The following NPC1 variants were observed in gnomAD, a reference collection of about 807,000 sequenced individuals.
NPC1 encodes Niemann-Pick C1 protein.
Under a neutral mutation model 140.4 loss-of-function variants are expected in NPC1, and 85 were observed. That is an observed-to-expected ratio of 0.61 (90% confidence interval 0.51 to 0.72). NPC1 has a LOEUF of 0.72. NPC1 is among the 30% of genes least tolerant of loss of function. NPC1 has a pLI of 0.00. For synonymous variants in NPC1, 656 were observed against 624.8 expected, an observed-to-expected ratio of 1.05 and a Z score of -0.74; for missense variants, 1,504 against 1,623.8, an observed-to-expected ratio of 0.93 and a Z score of 1.27.
chr18:23,574,903 C>T (rs1199873794), intron 1 of NPC1, among the ~76,000 whole-genome samples: 6 of 152,124 alleles, frequency 3.9e-5, no homozygotes, highest in African/African-American at 9.7e-5. Flanking sequence ...AAAAAAGAAA[C>T]GTATTGCAAC....
At chr18:23,511,158 A>G (rs2057848337) in intron 3 of NPC1, among the ~76,000 whole-genome samples, 1 of 152,252 alleles carries the variant, frequency 6.6e-6, no homozygotes, top group Non-Finnish European at 1.5e-5. Context: ...AAAAATGAAC[A>G]AGATCATGTC....
At chr18:23,556,818 C>T (rs1282757303) in intron 7 of NPC1, among the ~76,000 whole-genome samples, 1 of 152,252 alleles carries the variant, frequency 6.6e-6, no homozygotes, top group Non-Finnish European at 1.5e-5. Context: ...TCCCACCCCA[C>T]AGAGGAGATG....
intron 4 of NPC1, among the ~76,000 whole-genome samples, chr18:23,565,601 G>C (rs1407467117): frequency 3.3e-5 from 5 of 152,142 alleles, no homozygotes; most frequent in Non-Finnish European, 5.9e-5. Context: ...TGATCTGCCT[G>C]CCTCGGCCTT....
chr18:23,520,427 C>G (rs550762560), downstream of NPC1: 6 of 877,316 alleles, frequency 6.8e-6, no homozygotes, highest in South Asian at 1.0e-4. Flanking sequence ...CAGAGATTCC[C>G]AGATCTGTCT....
Position 23,536,736 on chromosome 18 carries a change from A to G in NPC1, c.3182T>C (p.Ile1061Thr), listed in dbSNP as rs80358259. The G allele has an allele frequency of 4.9e-4, 784 of 1,614,114 alleles. No individual in the cohort carries two copies. The highest frequency in any genetic ancestry group is 6.3e-4 in the Non-Finnish European group (745 of 1,180,044). ...FIDALKKARL[I>T]ASNVTETMGI... is the part of the protein sequence containing the mutation. ...CATGGTTTCGGTGACATTACTGGCT[A>G]TAAGTCGGGCTTTCTTCAGAGCGTC... Residue 1061 changes from isoleucine to threonine, a missense_variant, in exon 21 of 25, where the codon ATA (isoleucine) becomes ACA (threonine). Transcript: ENST00000269228.
intron 9 of NPC1, among the ~76,000 whole-genome samples, chr18:23,553,176 T>C (rs937009485): frequency 6.6e-6 from 1 of 152,246 alleles, no homozygotes; most frequent in Non-Finnish European, 1.5e-5. Flanking sequence ...CACGTCCGCT[T>C]TGAGGAAACA....
At chr18:23,549,237 C>T (rs1430400306) in intron 10 of NPC1, among the ~76,000 whole-genome samples, 1 of 152,048 alleles carries the variant, frequency 6.6e-6, no homozygotes, top group Non-Finnish European at 1.5e-5. Context: ...CACTCTGTTG[C>T]CCTGGCTGGA....
At chr18:23,565,991 G>A (rs1341713426) in intron 4 of NPC1, among the ~76,000 whole-genome samples, 1 of 151,886 alleles carries the variant, frequency 6.6e-6, no homozygotes. Context: ...TTGGTTTTCA[G>A]GTTTTATTTT....
chr18:23,544,943 A>ATCCCCCCCCCC lies in NPC1; in HGVS notation c.1947+16_1947+17insGGGGGGGGGGA. 9.7e-7 allele frequency: 1 copy of ATCCCCCCCCCC among 1,032,986 alleles called. No individual in the cohort carries two copies. The allele number at this position is 1,032,986 out of a possible 1,614,324, so 64.0% of individuals were successfully genotyped here. Reference sequence around the variant, plus strand: ...GCTGTTAACCTCTAGAACATACACCACCCCCCCCCGGCTTACCAGAAGCCT... The same window carrying ATCCCCCCCCCC: ...GCTGTTAACCTCTAGAACATACACCATCCCCCCCCCCCCCCCCCCCGGCTTACCAGAAGCCT... On this transcript the variant is annotated intron_variant, in intron 12 of 24. Transcript: ENST00000269228.
At chr18:23,574,095 A>G (rs930203192) in intron 1 of NPC1, among the ~76,000 whole-genome samples, 16 of 152,258 alleles carry the variant, frequency 1.1e-4, no homozygotes, top group African/African-American at 3.4e-4. Flanking sequence ...CTGAAGTAGA[A>G]AGCAAAGAAT....
At chr18:23,552,182 CG>C (rs2058882284) in intron 9 of NPC1, among the ~76,000 whole-genome samples, 1 of 151,946 alleles carries the variant, frequency 6.6e-6, no homozygotes, top group African/African-American at 2.4e-5. Context: ...TCCTGTATGC[CG>C]GGTATGGTGG....
downstream of NPC1, chr18:23,530,071 A>G: frequency 1.2e-6 from 2 of 1,613,844 alleles, no homozygotes; most frequent in East Asian, 2.2e-5. Flanking sequence ...GTCCAGCACA[A>G]CCTCTTTTAT....
rs2058928045 is a variant in NPC1, at chr18:23,554,903, C to T, written c.1408G>A (p.Ala470Thr). ...ETVTLQDICL[A>T]PLSPYNTNCT... ...TTCGTGTTATACGGTGAAAGAGGGG[C>T]CAAGCAGATGTCTTGAAGTGTCACA... The change falls in exon 9 of 25, where the codon GCC (alanine) becomes ACC (threonine). Residue 470 changes from alanine (A) to threonine (T), a missense_variant. Transcript: ENST00000269228. 1.2e-6 allele frequency: 2 copies of T among 1,614,066 alleles called. No individual in the cohort carries two copies. Among genetic ancestry groups the T allele is most frequent in the Non-Finnish European group, 1.7e-6 (2 of 1,179,964 alleles).
intron 1 of NPC1, among the ~76,000 whole-genome samples, chr18:23,577,775 G>A (rs1048700207): frequency 3.4e-4 from 52 of 152,360 alleles, no homozygotes; most frequent in African/African-American, 1.2e-3. Flanking sequence ...GCCCTGCCCC[G>A]TGGGAAGGCA....
At chr18:23,563,987 G>GTTTGTTTTTTTTT (rs1555639699) in intron 4 of NPC1, among the ~76,000 whole-genome samples, 1 of 102,600 alleles carries the variant, frequency 9.7e-6, no homozygotes, top group African/African-American at 4.1e-5. Flanking sequence ...AGTAGTAAGA[G>GTTTGTTTTTTTTT]TTTTTTTTTT....
Position 23,534,420 on chromosome 18 carries a change from G to A in NPC1, c.3591+26C>T, listed in dbSNP as rs551061747. ...GATTACTTTGTGGTGCGACTCTGCC[G>A]GCGTGGCCCTGCTCAGGGTACTCAC... On this transcript the variant is annotated intron_variant, in intron 23 of 24. Transcript: ENST00000269228. The A allele has an allele frequency of 6.1e-5, 90 of 1,478,152 alleles. No homozygotes were observed. In the South Asian group the frequency reaches 8.0e-4, roughly 13 times the overall value. 91.6% of individuals were successfully genotyped at this position (1,478,152 alleles called of 1,614,324 possible).
chr18:23,566,767 A>C (rs1384719283), intron 4 of NPC1, among the ~76,000 whole-genome samples: 3 of 152,204 alleles, frequency 2.0e-5, no homozygotes, highest in African/African-American at 7.2e-5. Flanking sequence ...AATGTCATAT[A>C]AACATGTAAC....
At chr18:23,559,492 CTTT>C (rs57612444) in intron 6 of NPC1, among the ~76,000 whole-genome samples, 20 of 81,454 alleles carry the variant, frequency 2.5e-4, no homozygotes, top group South Asian at 4.3e-4. Flanking sequence ...TTGACTCTGA[CTTT>C]TTTTTTTTTT....
chr18:23,567,021 CTT>C (rs1411482784), intron 4 of NPC1, among the ~76,000 whole-genome samples: 10 of 152,124 alleles, frequency 6.6e-5, no homozygotes, highest in African/African-American at 2.4e-4. Flanking sequence ...ATTTTCATGG[CTT>C]TTTAGCACCA....
Sources: gnomAD v4.1 joint callset for allele counts (sites outside exome capture counted in the v4.1 genomes callset) on GRCh38, gnomAD v4.1.1 for gene constraint, MANE v1.5 for transcripts, NCBI Gene and HGNC (gene_info 2026-07-23, HGNC 2026-07-21) for gene names.